Variants in PHACTR1 observed in about 807,000 individuals in gnomAD.
PHACTR1 encodes the protein phosphatase and actin regulator 1, also known as RPEL repeat containing 1.
PHACTR1 carries 16 observed loss-of-function variants against 69.2 expected under a neutral mutation model. The observed-to-expected ratio is 0.23, with a 90% confidence interval of 0.16 to 0.35. The LOEUF (loss-of-function observed/expected upper bound fraction) is 0.35, where lower values mean the gene tolerates loss of function less well. Among genes scored for constraint, PHACTR1 ranks in the 10% least tolerant of loss-of-function variants. The pLI is 1.00. For missense variants in PHACTR1, 510 were observed against 734.7 expected, an observed-to-expected ratio of 0.69 and a Z score of 3.54; for synonymous variants, 312 against 284.5, an observed-to-expected ratio of 1.10 and a Z score of -0.97.
intron 4 of PHACTR1, among the ~76,000 whole-genome samples, chr6:12,977,109 G>A (rs779268037): frequency 2.0e-5 from 3 of 152,036 alleles, no homozygotes; most frequent in Non-Finnish European, 2.9e-5. Flanking sequence ...GGGATTAGAG[G>A]CACCCATCTA....
intron 3 of PHACTR1, among the ~76,000 whole-genome samples, chr6:12,740,804 T>G (rs1392823382): frequency 6.6e-6 from 1 of 152,056 alleles, no homozygotes; most frequent in East Asian, 1.9e-4. Flanking sequence ...CTTGTAATAT[T>G]CTCTTATTCT....
At chr6:12,944,203 C>T (rs1339781091) in intron 4 of PHACTR1, among the ~76,000 whole-genome samples, 2 of 152,168 alleles carry the variant, frequency 1.3e-5, no homozygotes, top group Non-Finnish European at 2.9e-5. Context: ...AGGCAATGAT[C>T]GAGGGCATGC....
intron 4 of PHACTR1, among the ~76,000 whole-genome samples, chr6:12,947,335 A>C (rs1487235846): frequency 7.8e-6 from 1 of 128,290 alleles, no homozygotes; most frequent in East Asian, 2.0e-4. Context: ...AAACATAACT[A>C]TTCTGCTTTT....
intron 4 of PHACTR1, among the ~76,000 whole-genome samples, chr6:12,822,330 A>G (rs1776317088): frequency 6.6e-6 from 1 of 152,220 alleles, no homozygotes; most frequent in African/African-American, 2.4e-5. Context: ...AACCTGTGTG[A>G]CAACGGACTT....
At chr6:13,085,826 G>GA (rs1189812861) in intron 5 of PHACTR1, among the ~76,000 whole-genome samples, 7 of 151,836 alleles carry the variant, frequency 4.6e-5, no homozygotes, top group African/African-American at 1.5e-4. Flanking sequence ...CGAATACTTA[G>GA]AACTGACTGA....
rs1311035385 is a variant in PHACTR1 at position 13,283,579 on chromosome 6, G to GCTC, written c.1650+19_1650+20insCCT. The GCTC allele has an allele frequency of 6.2e-7, 1 of 1,613,704 alleles. No individual in the cohort carries two copies. Among genetic ancestry groups the GCTC allele is most frequent in the South Asian group, 1.1e-5 (1 of 91,082 alleles). On this transcript the variant is annotated intron_variant, in intron 13 of 14. Transcript: ENST00000332995. The surrounding 1 kb of genome is among the most constrained non-coding windows in gnomAD (Gnocchi z 4.7). ...GCAGACAAAGTAAGCAGAGGGGAGT[G>GCTC]CTGGAGAGTGGGAGGCAGGACCGTC...
chr6:13,253,521 T>C lies in PHACTR1; in HGVS notation c.1392-19339T>C, dbSNP rs1424637085. Among the ~76,000 whole-genome samples the C allele has an allele frequency of 2.0e-5, 3 of 152,378 alleles. No individual in the cohort carries two copies. In the East Asian group the frequency reaches 5.8e-4, roughly 29 times the overall value. On this transcript the variant is annotated intron_variant, in intron 10 of 14. Transcript: ENST00000332995. ...CAAACACCAGAACTTCCTCTCTTTATTTGATCACTCTTTGTCCTTGCCCCA... is the reference window on the plus strand; with the variant it reads ...CAAACACCAGAACTTCCTCTCTTTACTTGATCACTCTTTGTCCTTGCCCCA...
At chr6:13,110,690 C>T (rs957886283) in intron 5 of PHACTR1, among the ~76,000 whole-genome samples, 1 of 152,160 alleles carries the variant, frequency 6.6e-6, no homozygotes, top group Non-Finnish European at 1.5e-5. Context: ...GAAAGTGTCT[C>T]CAGACAGAAA....
intron 5 of PHACTR1, among the ~76,000 whole-genome samples, chr6:13,057,183 T>C (rs557009584): frequency 2.6e-5 from 4 of 152,324 alleles, no homozygotes; most frequent in African/African-American, 7.2e-5. Context: ...TTTGAGATGA[T>C]GGATATTCCC....
At chr6:13,163,401 T>G (rs1390921490) in intron 6 of PHACTR1, among the ~76,000 whole-genome samples, 1 of 152,214 alleles carries the variant, frequency 6.6e-6, no homozygotes, top group East Asian at 1.9e-4. Flanking sequence ...TGTTGTTTGT[T>G]GACTGACTTT....
chr6:13,177,559 T>C (rs1204849044), intron 6 of PHACTR1, among the ~76,000 whole-genome samples: 2 of 152,154 alleles, frequency 1.3e-5, no homozygotes, highest in Non-Finnish European at 2.9e-5. Context: ...CCATTCTCCA[T>C]AGTGACAGTC....
chr6:13,247,364 T>TGTGTGA (rs1554171040), intron 10 of PHACTR1, among the ~76,000 whole-genome samples: 244 of 150,072 alleles, frequency 1.6e-3, no homozygotes, highest in African/African-American at 5.6e-3. Flanking sequence ...TGTGTGTGTG[T>TGTGTGA]GACGGAGTTT....
chr6:13,043,239 C>A (rs1804469210), intron 4 of PHACTR1, among the ~76,000 whole-genome samples: 1 of 152,154 alleles, frequency 6.6e-6, no homozygotes, highest in African/African-American at 2.4e-5. Flanking sequence ...CCAGCCTGGC[C>A]AACATGGCAA....
intron 4 of PHACTR1, among the ~76,000 whole-genome samples, chr6:13,028,687 C>A (rs1299365296): frequency 6.6e-6 from 1 of 152,182 alleles, no homozygotes; most frequent in Non-Finnish European, 1.5e-5. Flanking sequence ...CTGGACTCTA[C>A]CCACTAGATG....
intron 5 of PHACTR1, among the ~76,000 whole-genome samples, chr6:13,083,918 C>T (rs1474223020): frequency 6.6e-6 from 1 of 152,092 alleles, no homozygotes; most frequent in African/African-American, 2.4e-5. Context: ...TCCTCTTTTC[C>T]TAATTGAATG....
chr6:12,822,308 C>T (rs186962680), intron 4 of PHACTR1, among the ~76,000 whole-genome samples: 23 of 152,242 alleles, frequency 1.5e-4, no homozygotes, highest in Middle Eastern at 6.8e-3. Flanking sequence ...GGACAGAGTC[C>T]CCAACAGGGA....
At chr6:13,060,655 C>T (rs1807538917) in intron 5 of PHACTR1, among the ~76,000 whole-genome samples, 1 of 152,148 alleles carries the variant, frequency 6.6e-6, no homozygotes, top group Non-Finnish European at 1.5e-5. Flanking sequence ...ATTTGGTGAT[C>T]TCTTCCAATG....
At chr6:12,980,551 A>T (rs1053224176) in intron 4 of PHACTR1, among the ~76,000 whole-genome samples, 3 of 151,922 alleles carry the variant, frequency 2.0e-5, no homozygotes, top group African/African-American at 4.8e-5. Flanking sequence ...TCCATAGGAG[A>T]GTTAGGGGTT....
At chr6:13,181,672 C>T (rs2113714986) in intron 6 of PHACTR1, among the ~76,000 whole-genome samples, 1 of 152,274 alleles carries the variant, frequency 6.6e-6, no homozygotes, top group African/African-American at 2.4e-5. Context: ...AGAATTCTGG[C>T]ACTTCCCAGC....
Sources: allele counts gnomAD v4.1 joint callset (sites outside exome capture counted in the v4.1 genomes callset), GRCh38; gene constraint gnomAD v4.1.1; non-coding constraint Gnocchi (gnomAD v3.1); transcripts MANE v1.5; gene names NCBI Gene and HGNC (gene_info 2026-07-23, HGNC 2026-07-21).